DNAJC12: variants seen among roughly 807,000 people sequenced by gnomAD.
DNAJC12 encodes DnaJ heat shock protein family (Hsp40) member C12, also known as dnaJ homolog subfamily C member 12.
Under a neutral mutation model 28.5 loss-of-function variants are expected in DNAJC12, and 25 were observed. The observed-to-expected ratio is 0.88, with a 90% CI of 0.64 to 1.22. The LOEUF is 1.22. Ranked by LOEUF, DNAJC12 falls within the 50% of genes most tolerant of loss-of-function variation. DNAJC12 has a pLI of 0.00. For synonymous variants in DNAJC12, 77 were observed against 80.6 expected (o/e 0.95, Z 0.24); for missense variants, 222 against 231.7 (o/e 0.96, Z 0.27).
chr10:67,811,222 G>T, intron 3 of DNAJC12: 1 of 1,009,164 alleles, frequency 9.9e-7, no homozygotes, highest in Non-Finnish European at 1.2e-6. Context: ...TGAGCAACTT[G>T]AGAAGTACAT....
intron 1 of DNAJC12, among the ~76,000 whole-genome samples, chr10:67,828,309 A>C (rs749303678): frequency 9.9e-5 from 15 of 152,146 alleles, no homozygotes; most frequent in South Asian, 4.1e-4. Context: ...CTATCTCTCT[A>C]TATATAGATA....
chr10:67,836,959 A>G (rs1842147581), intron 1 of DNAJC12, among the ~76,000 whole-genome samples: 1 of 150,024 alleles, frequency 6.7e-6, no homozygotes. Context: ...ATTTAATAAT[A>G]TATAATTTAA....
intron 4 of DNAJC12, among the ~76,000 whole-genome samples, chr10:67,803,945 C>T (rs1201619504): frequency 6.6e-6 from 1 of 152,158 alleles, no homozygotes; most frequent in Non-Finnish European, 1.5e-5. Context: ...ATCTTCATTC[C>T]CAGCAAGAAG....
chr10:67,832,428 T>C (rs752546751), intron 1 of DNAJC12, among the ~76,000 whole-genome samples: 16 of 152,134 alleles, frequency 1.1e-4, no homozygotes, highest in Non-Finnish European at 2.4e-4. Flanking sequence ...CCTACATTAC[T>C]CTAATCAAAT....
intron 1 of DNAJC12, among the ~76,000 whole-genome samples, chr10:67,832,553 T>G (rs1842104785): frequency 6.6e-6 from 1 of 152,144 alleles, no homozygotes; most frequent in African/African-American, 2.4e-5. Context: ...GTGATAAAAC[T>G]AAGCCAAATA....
chr10:67,825,638 A>G (rs1842021926), intron 1 of DNAJC12: 2 of 1,666 alleles, frequency 1.2e-3, no homozygotes, highest in South Asian at 0.33. Flanking sequence ...ATGGGGTTCC[A>G]TATTTACTAA....
chr10:67,824,107 G>A (rs1363284683), intron 1 of DNAJC12, among the ~76,000 whole-genome samples: 1 of 151,800 alleles, frequency 6.6e-6, no homozygotes, highest in Non-Finnish European at 1.5e-5. Context: ...ATGGTGGCAG[G>A]CACCTGTAAT....
chr10:67,835,717 GACAC>G (rs34238470), intron 1 of DNAJC12, among the ~76,000 whole-genome samples: 297 of 119,064 alleles, frequency 2.5e-3, no homozygotes, highest in Non-Finnish European at 4.4e-3. Context: ...GAGAAAAAAT[GACAC>G]ACACACACAC....
chr10:67,837,631 C>T (rs904860802), intron 1 of DNAJC12, among the ~76,000 whole-genome samples: 3 of 152,064 alleles, frequency 2.0e-5, no homozygotes, highest in Non-Finnish European at 4.4e-5. Context: ...TCAGAAATTA[C>T]AATAAAATTT....
At chr10:67,828,862 A>G (rs964670589) in intron 1 of DNAJC12, among the ~76,000 whole-genome samples, 1 of 152,188 alleles carries the variant, frequency 6.6e-6, no homozygotes, top group Non-Finnish European at 1.5e-5. Context: ...CAAGAGCACC[A>G]TCAACTCAGA....
chr10:67,800,170 C>T (rs1452807245), intron 4 of DNAJC12, among the ~76,000 whole-genome samples: 4 of 134,760 alleles, frequency 3.0e-5, no homozygotes, highest in East Asian at 4.6e-4. Flanking sequence ...TGCAGTGAGT[C>T]GTGATCACAC....
intron 1 of DNAJC12, chr10:67,834,135 G>GT (rs1029713540): frequency 7.4e-6 from 3 of 407,626 alleles, no homozygotes; most frequent in South Asian, 1.9e-5. Flanking sequence ...ATGTATATGA[G>GT]TACCAAGCTT....
At chr10:67,828,780 A>C (rs1216940999) in intron 1 of DNAJC12, among the ~76,000 whole-genome samples, 2 of 152,090 alleles carry the variant, frequency 1.3e-5, no homozygotes, top group Non-Finnish European at 2.9e-5. Flanking sequence ...AGATAATCAG[A>C]GGTAAGAAAA....
chr10:67,819,727 G>A (rs867665748), intron 2 of DNAJC12, among the ~76,000 whole-genome samples: 382 of 21,498 alleles, frequency 0.018, 18 homozygotes, highest in African/African-American at 0.027. Context: ...AGCAAGGAAG[G>A]AAGGAAGGAA....
intron 2 of DNAJC12, among the ~76,000 whole-genome samples, chr10:67,818,211 T>C (rs1841935112): frequency 6.6e-6 from 1 of 152,084 alleles, no homozygotes; most frequent in Non-Finnish European, 1.5e-5. Context: ...GTCTCATATA[T>C]ATATTTGAAA....
chr10:67,827,078 A>G (rs1220048333), intron 1 of DNAJC12, among the ~76,000 whole-genome samples: 2 of 151,178 alleles, frequency 1.3e-5, no homozygotes, highest in East Asian at 1.9e-4. Context: ...TTTATTTTTA[A>G]TTCCTATCCC....
At chr10:67,816,260 T>C (rs1841914952) in intron 2 of DNAJC12, 1 of 391,286 alleles carries the variant, frequency 2.6e-6, no homozygotes, top group Non-Finnish European at 4.5e-6. Context: ...AAATATGCTT[T>C]GAAAAAATCT....
At chr10:67,826,651 GAT>G (rs1842033994) in intron 1 of DNAJC12, among the ~76,000 whole-genome samples, 1 of 121,828 alleles carries the variant, frequency 8.2e-6, no homozygotes, top group Non-Finnish European at 1.6e-5. Flanking sequence ...GATATCTAAT[GAT>G]ATATATTATA....
At position 67,811,576 on chromosome 10, in the gene DNAJC12, T is replaced by C. The variant is rs2131797303; in HGVS notation, c.245A>G (p.Gln82Arg). The change falls in exon 3 of 5, where the codon CAG (glutamine) becomes CGG (arginine). Residue 82 changes from glutamine (Q) to arginine (R), a missense_variant. Coordinates refer to ENST00000225171, the MANE Select transcript of DNAJC12 (RefSeq NM_021800.3). Reference protein sequence around the residue: ...RARYDHWRRSQMSMPFQQWEA... With the variant: ...RARYDHWRRSRMSMPFQQWEA... ...CCACTGCTGGAATGGCATCGACATC[T>C]GGCTCCTTCGCCAGTGGTCATAGCG... 3.1e-6 allele frequency: 5 copies of C among 1,614,222 alleles called. No homozygotes were observed. The highest frequency in any genetic ancestry group is 4.2e-6 in the Non-Finnish European group (5 of 1,180,038).
Sources: gnomAD v4.1 joint callset for allele counts (sites outside exome capture counted in the v4.1 genomes callset) on GRCh38, gnomAD v4.1.1 for gene constraint, MANE v1.5 for transcripts, NCBI Gene and HGNC (gene_info 2026-07-23, HGNC 2026-07-21) for gene names.